The following GCNT1 variants were observed in gnomAD, a reference collection of about 807,000 sequenced individuals.
The protein encoded by GCNT1 is beta-1,3-galactosyl-O-glycosyl-glycoprotein beta-1,6-N-acetylglucosaminyltransferase.
GCNT1 carries 16 observed loss-of-function variants against 26.2 expected under a neutral mutation model. The ratio of observed to expected loss-of-function variants is 0.61; its 90% CI spans 0.41 to 0.93. The LOEUF (loss-of-function observed/expected upper bound fraction) is 0.93. GCNT1 is among the 40% of genes least tolerant of loss of function. The pLI is 0.00. For missense variants in GCNT1, 477 were observed against 526.7 expected (o/e 0.91, Z 0.92); for synonymous variants, 183 against 190.8 (o/e 0.96, Z 0.34).
chr9:76,397,171 A>G, the GCNT1 span, among the ~76,000 whole-genome samples: 1 of 152,286 alleles, frequency 6.6e-6, no homozygotes, highest in Non-Finnish European at 1.5e-5. Flanking sequence ...AATCCCAGCT[A>G]CTCGGGAGAC....
chr9:76,496,992 A>G (rs1824924725), intron 2 of GCNT1, among the ~76,000 whole-genome samples: 1 of 152,160 alleles, frequency 6.6e-6, no homozygotes, highest in Non-Finnish European at 1.5e-5. Context: ...AGTGAGGCTT[A>G]GTATGGTTTG....
the GCNT1 span, among the ~76,000 whole-genome samples, chr9:76,395,933 A>G: frequency 6.6e-6 from 1 of 152,192 alleles, no homozygotes; most frequent in Admixed American, 6.5e-5. Context: ...CTCATATGGT[A>G]ATTTCATCTG....
intron 1 of GCNT1, among the ~76,000 whole-genome samples, chr9:76,434,762 A>C (rs965253845): frequency 7.2e-5 from 11 of 152,206 alleles, no homozygotes; most frequent in African/African-American, 2.7e-4. Context: ...CAAGTAAGAG[A>C]GATATCGCTA....
chr9:76,507,218 T>A lies in GCNT1; in HGVS notation c.*3550T>A, dbSNP rs1430965071. On this transcript the variant is annotated 3_prime_UTR_variant, in exon 4 of 4. Coordinates refer to ENST00000376730, the MANE Select transcript of GCNT1 (RefSeq NM_001490.5). Reference sequence around the variant, plus strand: ...TAATTTCTACTGAATGCATATCACTTGTGCACTGTTGTAAAGCTGAAAAAC... The same window carrying A: ...TAATTTCTACTGAATGCATATCACTAGTGCACTGTTGTAAAGCTGAAAAAC... 1.8e-5 allele frequency: 3 copies of A among 167,066 alleles called. No individual in the cohort carries two copies. Among genetic ancestry groups the A allele is most frequent in the Non-Finnish European group, 4.4e-5 (3 of 68,118 alleles). The allele number at this position is 167,066 out of a possible 1,614,324, so 10.3% of individuals were successfully genotyped here.
upstream of GCNT1, among the ~76,000 whole-genome samples, chr9:76,418,294 T>TA (rs1222223909): frequency 6.6e-6 from 1 of 152,226 alleles, no homozygotes; most frequent in Non-Finnish European, 1.5e-5. Flanking sequence ...AGCCTCCAGG[T>TA]AACAGACTTT....
At chr9:76,407,293 G>A in the GCNT1 span, among the ~76,000 whole-genome samples, 111 of 151,854 alleles carry the variant, frequency 7.3e-4, 1 homozygote, top group Non-Finnish European at 1.4e-3. Context: ...TTGGGCATGA[G>A]TATAAAGTCT....
chr9:76,468,550 C>T lies in GCNT1; in HGVS notation c.-290+8373C>T, dbSNP rs76632664. Among the ~76,000 whole-genome samples the T allele has an allele frequency of 8.9e-3, 1,357 of 152,254 alleles. 18 individuals carry two copies. Among genetic ancestry groups the T allele is most frequent in the African/African-American group, 0.031 (1,273 of 41,524 alleles). ...GAATCACTGCTTTAGTCTGTAGAAG[C>T]TTTGTCGTCCTTTGCCATGCCCTGG... is the stretch of plus-strand genomic sequence containing the variant. On this transcript the variant is annotated intron_variant, in intron 2 of 3. Coordinates refer to ENST00000376730, the MANE Select transcript of GCNT1 (RefSeq NM_001490.5).
At chr9:76,500,621 T>C (rs769955948) in intron 2 of GCNT1, among the ~76,000 whole-genome samples, 5 of 152,208 alleles carry the variant, frequency 3.3e-5, no homozygotes, top group Non-Finnish European at 4.4e-5. Context: ...TTTCTAATCA[T>C]ACTGGACTGT....
intron 1 of GCNT1, among the ~76,000 whole-genome samples, chr9:76,448,280 T>C (rs575193982): frequency 2.6e-5 from 4 of 152,224 alleles, no homozygotes; most frequent in African/African-American, 9.6e-5. Flanking sequence ...GGTGAAACCC[T>C]ATCTCTACAA....
intron 2 of GCNT1, among the ~76,000 whole-genome samples, chr9:76,494,156 GT>G (rs1335883182): frequency 5.3e-5 from 8 of 152,026 alleles, no homozygotes; most frequent in African/African-American, 1.9e-4. Flanking sequence ...AGAAACACTA[GT>G]TTTCCTGCTA....
intron 1 of GCNT1, among the ~76,000 whole-genome samples, chr9:76,443,188 C>T (rs1326182098): frequency 1.3e-5 from 2 of 152,122 alleles, no homozygotes; most frequent in Admixed American, 6.5e-5. Context: ...ATGGTGAAAC[C>T]CCGTCTGTGA....
At chr9:76,430,782 CAA>C (rs1823328098) in intron 1 of GCNT1, among the ~76,000 whole-genome samples, 1 of 152,148 alleles carries the variant, frequency 6.6e-6, no homozygotes, top group Non-Finnish European at 1.5e-5. Flanking sequence ...CTCCCAGGCT[CAA>C]GTGATTCTTG....
the GCNT1 span, among the ~76,000 whole-genome samples, chr9:76,403,317 G>A: frequency 6.6e-6 from 1 of 152,128 alleles, no homozygotes; most frequent in Non-Finnish European, 1.5e-5. Context: ...ACTGTTCCTT[G>A]TGTATTTCCT....
intron 2 of GCNT1, among the ~76,000 whole-genome samples, chr9:76,464,290 C>T (rs1823947729): frequency 6.6e-6 from 1 of 152,176 alleles, no homozygotes; most frequent in African/African-American, 2.4e-5. Context: ...CATCTTGGCT[C>T]ACTGCAACCT....
chr9:76,454,017 T>C (rs1216034242), intron 1 of GCNT1, among the ~76,000 whole-genome samples: 5 of 152,158 alleles, frequency 3.3e-5, no homozygotes, highest in Non-Finnish European at 7.4e-5. Context: ...AACCATAAGA[T>C]CTGCAAGCTT....
intron 1 of GCNT1, among the ~76,000 whole-genome samples, chr9:76,429,190 A>G (rs963929966): frequency 2.6e-5 from 4 of 151,902 alleles, no homozygotes; most frequent in South Asian, 4.1e-4. Flanking sequence ...TATAATATAC[A>G]TTTCTTCTTT....
At chr9:76,399,456 A>C in the GCNT1 span, 6 of 1,571,878 alleles carry the variant, frequency 3.8e-6, no homozygotes, top group Admixed American at 3.3e-5. Flanking sequence ...GAAGGTGTAC[A>C]GGTGCCCTCT....
chr9:76,400,828 A>G, the GCNT1 span, among the ~76,000 whole-genome samples: 1 of 152,174 alleles, frequency 6.6e-6, no homozygotes, highest in Non-Finnish European at 1.5e-5. Context: ...AAAAATGTCT[A>G]GCTAGGGAGA....
At chr9:76,494,641 A>G (rs1824852735) in intron 2 of GCNT1, among the ~76,000 whole-genome samples, 1 of 152,192 alleles carries the variant, frequency 6.6e-6, no homozygotes, top group Admixed American at 6.5e-5. Flanking sequence ...TATACTAGAA[A>G]TCATTCTTAT....
Sources: allele counts gnomAD v4.1 joint callset (sites outside exome capture counted in the v4.1 genomes callset), GRCh38; gene constraint gnomAD v4.1.1; transcripts MANE v1.5; gene names NCBI Gene and HGNC (gene_info 2026-07-23, HGNC 2026-07-21).